The following SOX5 variants were observed in gnomAD, a reference collection of about 807,000 sequenced individuals.
The protein encoded by SOX5 is transcription factor SOX-5.
Under a neutral mutation model 92.0 loss-of-function variants are expected in SOX5, and 9 were observed. The observed-to-expected ratio is 0.10, with a 90% CI of 0.06 to 0.17. The LOEUF (loss-of-function observed/expected upper bound fraction) is 0.17. SOX5 is among the 10% of genes least tolerant of loss of function. The pLI is 1.00. For synonymous variants in SOX5, 344 were observed against 336.3 expected (o/e 1.02, Z -0.25); for missense variants, 642 against 944.5 (o/e 0.68, Z 4.20).
rs116383299 is a variant in SOX5 at position 23,967,290 on chromosome 12, C to T, written c.-1-71266G>A. On this transcript the variant is annotated intron_variant, in intron 4 of 4. Coordinates refer to the SOX5 transcript ENST00000446891. ...ATCTCTGTTTAAAATAGATGCATTA[C>T]AGCATGAAAAGTCAATTGAAACTGA... Among the ~76,000 whole-genome samples the T allele has an allele frequency of 1.7e-3, 255 of 152,024 alleles. 2 individuals are homozygous for T. The highest frequency in any genetic ancestry group is 5.8e-3 in the African/African-American group (241 of 41,500).
intron 1 of SOX5, among the ~76,000 whole-genome samples, chr12:23,927,821 C>T (rs919164421): frequency 1.3e-5 from 2 of 152,192 alleles, no homozygotes; most frequent in East Asian, 3.9e-4. Flanking sequence ...AGACCAAACT[C>T]TATTTATACC....
chr12:23,919,732 C>G (rs1393657210), intron 1 of SOX5, among the ~76,000 whole-genome samples: 1 of 152,158 alleles, frequency 6.6e-6, no homozygotes, highest in Non-Finnish European at 1.5e-5. Context: ...GGGCAGGATT[C>G]GACCCTGAGC....
chr12:24,112,048 G>T (rs778680863), intron 4 of SOX5, among the ~76,000 whole-genome samples: 1 of 152,038 alleles, frequency 6.6e-6, no homozygotes, highest in Non-Finnish European at 1.5e-5. Flanking sequence ...GCCAAATAAA[G>T]AACAAGGAAC....
chr12:24,470,517 T>G (rs1176321989), intron 1 of SOX5, among the ~76,000 whole-genome samples: 1 of 150,796 alleles, frequency 6.6e-6, no homozygotes, highest in Admixed American at 6.6e-5. Context: ...TTCATAAGGG[T>G]GTTTGATCAA....
intron 2 of SOX5, among the ~76,000 whole-genome samples, chr12:24,285,548 T>C (rs961215260): frequency 5.3e-5 from 8 of 152,242 alleles, no homozygotes; most frequent in African/African-American, 1.9e-4. Flanking sequence ...CTGGAAATTC[T>C]ACATCAGTGC....
intron 4 of SOX5, among the ~76,000 whole-genome samples, chr12:23,972,819 AG>A (rs1277424094): frequency 6.6e-6 from 1 of 152,112 alleles, no homozygotes; most frequent in African/African-American, 2.4e-5. Flanking sequence ...TTTTTTGGTG[AG>A]AACGTTAAAA....
At chr12:24,506,742 T>C (rs2138227250) in intron 1 of SOX5, among the ~76,000 whole-genome samples, 1 of 145,724 alleles carries the variant, frequency 6.9e-6, no homozygotes, top group Non-Finnish European at 1.5e-5. Flanking sequence ...ATTTTCCCCC[T>C]CCCTTTCCAA....
At chr12:23,910,484 A>G (rs2097340003) in intron 1 of SOX5, among the ~76,000 whole-genome samples, 2 of 152,188 alleles carry the variant, frequency 1.3e-5, no homozygotes, top group Non-Finnish European at 2.9e-5. Flanking sequence ...CTTACATTCT[A>G]TGCTGACATT....
chr12:24,036,626 T>G (rs1220910778), intron 4 of SOX5, among the ~76,000 whole-genome samples: 1 of 152,120 alleles, frequency 6.6e-6, no homozygotes, highest in African/African-American at 2.4e-5. Context: ...AGTCCCTGTG[T>G]CACTAAGGTT....
chr12:23,932,774 T>G lies in SOX5; in HGVS notation c.38+16790A>C, dbSNP rs565228340. Reference sequence around the variant, plus strand: ...GTTTTCGGTTACAGCAAATGTAAAATCAAAAATCTTCTTGGTTGATCACTT... The same window carrying G: ...GTTTTCGGTTACAGCAAATGTAAAAGCAAAAATCTTCTTGGTTGATCACTT... On this transcript the variant is annotated intron_variant, in intron 1 of 14. Coordinates refer to ENST00000451604, the MANE Select transcript of SOX5 (RefSeq NM_006940.6). Among the ~76,000 whole-genome samples, 9 of 151,732 alleles carry G rather than the reference T, an allele frequency of 5.9e-5. No individual in the cohort carries two copies. In the South Asian group the frequency reaches 1.9e-3, roughly 31 times the overall value.
chr12:23,858,631 G>T (rs184648450), intron 2 of SOX5, among the ~76,000 whole-genome samples: 356 of 152,258 alleles, frequency 2.3e-3, no homozygotes, highest in African/African-American at 8.2e-3. Flanking sequence ...GTGGTAAGTA[G>T]TATGGTGACT....
intron 1 of SOX5, among the ~76,000 whole-genome samples, chr12:24,528,641 C>A (rs991175604): frequency 6.6e-6 from 1 of 152,182 alleles, no homozygotes; most frequent in African/African-American, 2.4e-5. Flanking sequence ...GCCCATATTG[C>A]GAGAGCGCAG....
intron 2 of SOX5, among the ~76,000 whole-genome samples, chr12:24,277,527 T>TAAATTTACATTTAAATATATAA (rs1944625029): frequency 6.8e-6 from 1 of 146,700 alleles, no homozygotes. Context: ...TATTTATATG[T>TAAATTTACATTTAAATATATAA]ATATAATTTA....
chr12:23,779,838 CATAT>C (rs1255849834), intron 3 of SOX5, among the ~76,000 whole-genome samples: 1 of 142,228 alleles, frequency 7.0e-6, no homozygotes, highest in Non-Finnish European at 1.5e-5. Flanking sequence ...CACACACACA[CATAT>C]GCATACATAC....
chr12:24,134,846 G>A (rs1163450805), intron 4 of SOX5, among the ~76,000 whole-genome samples: 1 of 152,070 alleles, frequency 6.6e-6, no homozygotes, highest in African/African-American at 2.4e-5. Context: ...TCTCCCAACC[G>A]TTCATAATGA....
rs759865362 is a variant in SOX5 at position 23,532,947 on chromosome 12, C to CGTT, written c.*1269_*1271dup. On this transcript the variant is annotated 3_prime_UTR_variant, in exon 15 of 15. Coordinates refer to ENST00000451604, the MANE Select transcript of SOX5 (RefSeq NM_006940.6). The stretch of plus-strand genomic sequence containing the variant: ...AAAACAAAAATCACTAAGTAGCAAA[C>CGTT]GTTAATGGAACCAACTGACCAGGGA... 15 of 167,810 alleles carry CGTT rather than the reference C, an allele frequency of 8.9e-5. No individual in the cohort carries two copies. The highest frequency in any genetic ancestry group is 2.0e-4 in the Non-Finnish European group (15 of 76,506). 10.4% of individuals were successfully genotyped at this position (167,810 alleles called of 1,614,324 possible). A position where few individuals can be genotyped will look rare whatever the true frequency, so the allele number is the denominator to read the frequency against.
chr12:23,630,140 T>A (rs924810831), intron 8 of SOX5, among the ~76,000 whole-genome samples: 1 of 151,980 alleles, frequency 6.6e-6, no homozygotes, highest in Non-Finnish European at 1.5e-5. Flanking sequence ...AAAGCACCTA[T>A]GTAAAAATAA....
intron 2 of SOX5, among the ~76,000 whole-genome samples, chr12:24,329,266 A>T (rs1951036921): frequency 6.6e-6 from 1 of 152,204 alleles, no homozygotes; most frequent in South Asian, 2.1e-4. Context: ...AAGGAGTTTT[A>T]ATCGACTCAC....
At chr12:23,607,560 T>C (rs2075397440) in intron 8 of SOX5, among the ~76,000 whole-genome samples, 1 of 152,218 alleles carries the variant, frequency 6.6e-6, no homozygotes, top group South Asian at 2.1e-4. Context: ...AGTGAATGAT[T>C]TTAAAACAAA....
Sources: gnomAD v4.1 joint callset for allele counts (sites outside exome capture counted in the v4.1 genomes callset) on GRCh38, gnomAD v4.1.1 for gene constraint, MANE v1.5 for transcripts, NCBI Gene and HGNC (gene_info 2026-07-23, HGNC 2026-07-21) for gene names.